The following STK32A variants were observed in gnomAD, a reference collection of about 807,000 sequenced individuals.
The protein encoded by STK32A is serine/threonine-protein kinase 32A.
Under a neutral mutation model 53.2 loss-of-function variants are expected in STK32A, and 41 were observed. The observed-to-expected ratio is 0.77, with a 90% CI of 0.60 to 1.00. STK32A has a LOEUF of 1.00. Ranked by LOEUF, STK32A falls within the 50% of genes least tolerant of loss-of-function variation. The pLI is 0.00. For missense variants in STK32A, 458 were observed against 485.8 expected (o/e 0.94, Z 0.54); for synonymous variants, 166 against 162.8 (o/e 1.02, Z -0.15).
At chr5:147,353,588 C>A in intron 7 of STK32A, among the ~76,000 whole-genome samples, 1 of 151,960 alleles carries the variant, frequency 6.6e-6, no homozygotes, top group Non-Finnish European at 1.5e-5. Flanking sequence ...GGTGAAACCC[C>A]ATCTCTACTA....
intron 5 of STK32A, among the ~76,000 whole-genome samples, chr5:147,333,274 T>A (rs1347460348): frequency 6.6e-6 from 1 of 152,220 alleles, no homozygotes; most frequent in Non-Finnish European, 1.5e-5. Flanking sequence ...CAGCTTACAA[T>A]GGGTTTATCA....
At chr5:147,350,953 C>A in intron 6 of STK32A, 112 bp from the exon 7 acceptor site, 1 of 823,000 alleles carries the variant, frequency 1.2e-6, no homozygotes, top group Admixed American at 2.1e-5. Context: ...GGATGGACTG[C>A]AACTGGCCTA....
chr5:147,283,860 C>T (rs1325879087), intron 4 of STK32A, among the ~76,000 whole-genome samples: 1 of 152,042 alleles, frequency 6.6e-6, no homozygotes, highest in African/African-American at 2.4e-5. Context: ...TTATATCAGA[C>T]ATTCAAAGAA....
intron 7 of STK32A, among the ~76,000 whole-genome samples, chr5:147,353,630 T>G (rs540535417): frequency 5.2e-4 from 79 of 152,052 alleles, no homozygotes; most frequent in African/African-American, 1.9e-3. Flanking sequence ...CATGGTGGCG[T>G]GCATCTGTAG....
chr5:147,275,346 G>C lies in STK32A; in HGVS notation c.53-2778G>C, dbSNP rs1181493669. 2.8e-5 allele frequency among the ~76,000 whole-genome samples: 3 copies of C among 106,766 alleles called. No homozygotes were observed. In the Admixed American group the frequency reaches 3.0e-4, roughly 11 times the overall value. The allele number at this position is 106,766 out of a possible 152,430, so 70.0% of individuals were successfully genotyped here. ...CTCTTCCAGTCACTTTTTTTTTTTTGAGAAAGGATCTCACCCTGTTGCCCA... is the reference window on the plus strand; with the variant it reads ...CTCTTCCAGTCACTTTTTTTTTTTTCAGAAAGGATCTCACCCTGTTGCCCA... On this transcript the variant is annotated intron_variant, in intron 2 of 12. Transcript: ENST00000397936.
intron 8 of STK32A, among the ~76,000 whole-genome samples, chr5:147,370,134 GGGACT>G (rs1756944051): frequency 1.3e-5 from 2 of 152,094 alleles, no homozygotes; most frequent in Admixed American, 1.3e-4. Flanking sequence ...TGTGGAACCA[GGGACT>G]CATAGCATTT....
intron 2 of STK32A, among the ~76,000 whole-genome samples, chr5:147,260,232 CTGTCTCTG>C: frequency 9.0e-6 from 1 of 110,680 alleles, no homozygotes; most frequent in Admixed American, 9.7e-5. Context: ...TCTCTCCTCT[CTGTCTCTG>C]TCTCTCTCTC....
At chr5:147,401,114 G>A in the STK32A span, among the ~76,000 whole-genome samples, 2 of 152,134 alleles carry the variant, frequency 1.3e-5, no homozygotes, top group Non-Finnish European at 2.9e-5. Context: ...GTCTGCAGAG[G>A]GCAGCAACAA....
chr5:147,383,900 G>T lies in STK32A; in HGVS notation c.1108G>T (p.Asp370Tyr). ...TCTTTTCTTTTTAAGAGTAAACAGG[G>T]ACTTTAACAAAAGACAACCAAATCT... is the stretch of plus-strand genomic sequence containing the variant. ...IIFNREKVNR[D>Y]FNKRQPNLAL... Residue 370 changes from aspartate (D) to tyrosine (Y), a missense_variant, in exon 13 of 13, where the codon GAC (aspartate) becomes TAC (tyrosine). Physicochemically the swap from Asp to Tyr is radical, Grantham distance 160. Transcript: ENST00000397936. The T allele has an allele frequency of 6.4e-7, 1 of 1,558,718 alleles. No homozygotes were observed. The highest frequency in any genetic ancestry group is 8.8e-7 in the Non-Finnish European group (1 of 1,139,672).
intron 2 of STK32A, among the ~76,000 whole-genome samples, chr5:147,261,197 G>C (rs895570523): frequency 1.4e-4 from 22 of 152,104 alleles, no homozygotes; most frequent in African/African-American, 5.3e-4. Flanking sequence ...GCCCCCAATT[G>C]TTATATATAA....
chr5:147,319,955 T>C (rs972577987), intron 4 of STK32A, among the ~76,000 whole-genome samples: 5 of 152,208 alleles, frequency 3.3e-5, no homozygotes, highest in Admixed American at 2.6e-4. Context: ...TTTTCAAGCT[T>C]TTTTGACTGC....
At chr5:147,374,667 C>G (rs988324457) in intron 10 of STK32A, among the ~76,000 whole-genome samples, 6 of 152,082 alleles carry the variant, frequency 3.9e-5, no homozygotes, top group African/African-American at 1.4e-4. Context: ...TAGTGTGAAT[C>G]GGAATCATCT....
chr5:147,266,352 A>G (rs1314950557), intron 2 of STK32A, among the ~76,000 whole-genome samples: 1 of 152,232 alleles, frequency 6.6e-6, no homozygotes, highest in African/African-American at 2.4e-5. Flanking sequence ...CTGTAATATT[A>G]GAACAACATT....
chr5:147,390,114 G>A (rs183224468), downstream of STK32A, among the ~76,000 whole-genome samples: 207 of 152,264 alleles, frequency 1.4e-3, no homozygotes, highest in African/African-American at 4.5e-3. Context: ...ATTACAACTG[G>A]ATTCAGCAGT....
intron 8 of STK32A, among the ~76,000 whole-genome samples, chr5:147,364,468 C>A (rs954541709): frequency 2.0e-5 from 3 of 152,178 alleles, no homozygotes; most frequent in Non-Finnish European, 4.4e-5. Flanking sequence ...GTTCCAAAGT[C>A]ACTTCCACAT....
chr5:147,288,233 G>C (rs1221918818), intron 4 of STK32A, among the ~76,000 whole-genome samples: 1 of 152,134 alleles, frequency 6.6e-6, no homozygotes, highest in African/African-American at 2.4e-5. Context: ...AAACTAACTG[G>C]GAGGGGGAAT....
chr5:147,253,509 C>G (rs12514577), intron 2 of STK32A, among the ~76,000 whole-genome samples: 1 of 152,144 alleles, frequency 6.6e-6, no homozygotes, highest in African/African-American at 2.4e-5. Context: ...CGCACTACCA[C>G]GCCCGGCTAA....
chr5:147,291,165 T>A (rs1752581941), intron 4 of STK32A, among the ~76,000 whole-genome samples: 1 of 152,190 alleles, frequency 6.6e-6, no homozygotes, highest in Admixed American at 6.5e-5. Flanking sequence ...TGCTCTGAGC[T>A]ATTTTTGTTT....
intron 4 of STK32A, among the ~76,000 whole-genome samples, chr5:147,307,589 C>A (rs930113779): frequency 7.0e-6 from 1 of 142,816 alleles, no homozygotes; most frequent in Admixed American, 7.3e-5. Context: ...GGCGCCAATG[C>A]ACTCCAGGTT....
Sources: gnomAD v4.1 joint callset for allele counts (sites outside exome capture counted in the v4.1 genomes callset) on GRCh38, gnomAD v4.1.1 for gene constraint, MANE v1.5 for transcripts, NCBI Gene and HGNC (gene_info 2026-07-23, HGNC 2026-07-21) for gene names.